SIDT1: variants seen among roughly 807,000 people sequenced by gnomAD.
The protein encoded by SIDT1 is SID1 transmembrane family, member 1.
In SIDT1, 101 loss-of-function variants were observed where a neutral mutation model predicts 107.5. The ratio of observed to expected loss-of-function variants is 0.94; its 90% CI spans 0.80 to 1.11. The LOEUF is 1.11. Ranked by LOEUF, SIDT1 falls within the 50% of genes least tolerant of loss-of-function variation. The pLI, the probability that SIDT1 is intolerant of heterozygous loss-of-function variation, is 0.00. For missense variants in SIDT1, 1,076 were observed against 1,058.2 expected, an observed-to-expected ratio of 1.02 and a Z score of -0.23; for synonymous variants, 395 against 398.2, an observed-to-expected ratio of 0.99 and a Z score of 0.10.
intron 1 of SIDT1, among the ~76,000 whole-genome samples, chr3:113,549,866 A>G (rs1940020909): frequency 6.6e-6 from 1 of 152,146 alleles, no homozygotes; most frequent in Non-Finnish European, 1.5e-5. Context: ...GAAGTTTTGT[A>G]GTTTTCCATT....
At chr3:113,556,897 G>A (rs958002662) in intron 1 of SIDT1, among the ~76,000 whole-genome samples, 8 of 135,052 alleles carry the variant, frequency 5.9e-5, no homozygotes, top group African/African-American at 1.1e-4. Context: ...TCGCCTCACC[G>A]CAATCTCCAC....
At chr3:113,604,811 T>C in intron 13 of SIDT1, 99 bp from the exon 14 acceptor site, 1 of 1,389,426 alleles carries the variant, frequency 7.2e-7, no homozygotes, top group Non-Finnish European at 1.0e-6. Context: ...GCAAGTTAAT[T>C]ATGGACTTAT....
Position 113,607,074 on chromosome 3 carries a change from T to C in SIDT1, c.1438T>C (p.Tyr480His). Residue 480 changes from tyrosine (Y) to histidine (H), a missense_variant, in exon 15 of 25, where the codon TAC (tyrosine) becomes CAC (histidine). Coordinates refer to ENST00000264852, the MANE Select transcript of SIDT1 (RefSeq NM_017699.3). ...VNVTGNQDIC[Y>H]YNFLCAHPLG... ...TGTCACTGGCAACCAGGACATCTGT[T>C]ACTACAACTTCCTCTGTGCTCACCC... 6.2e-7 allele frequency: 1 copy of C among 1,613,386 alleles called. No homozygotes were observed. The highest frequency in any genetic ancestry group is 8.5e-7 in the Non-Finnish European group (1 of 1,179,338).
At chr3:113,542,932 GTGTGTGTT>G (rs1939100895) in intron 1 of SIDT1, among the ~76,000 whole-genome samples, 2 of 142,360 alleles carry the variant, frequency 1.4e-5, no homozygotes, top group South Asian at 2.1e-4. Context: ...GTGTGTGTGT[GTGTGTGTT>G]TGTTTGTTTG....
At chr3:113,563,483 A>G (rs1359752008) in intron 1 of SIDT1, among the ~76,000 whole-genome samples, 1 of 152,240 alleles carries the variant, frequency 6.6e-6, no homozygotes. Flanking sequence ...ACTTGAATCT[A>G]ATGAAGCCTC....
chr3:113,583,556 G>C, intron 7 of SIDT1, 60 bp downstream of exon 7: 3 of 1,317,162 alleles, frequency 2.3e-6, no homozygotes, highest in Non-Finnish European at 3.2e-6. Flanking sequence ...GGAGTGAAAG[G>C]GAAGCTGAAA....
intron 1 of SIDT1, among the ~76,000 whole-genome samples, chr3:113,542,923 TG>T (rs1430665100): frequency 3.3e-5 from 5 of 151,276 alleles, no homozygotes; most frequent in African/African-American, 1.2e-4. Flanking sequence ...TGTGTGTGTG[TG>T]TGTGTGTGTG....
chr3:113,603,832 A>G, intron 12 of SIDT1, 128 bp from the exon 13 acceptor site: 1 of 630,990 alleles, frequency 1.6e-6, no homozygotes, highest in Non-Finnish European at 2.7e-6. Flanking sequence ...GTAAATTTGA[A>G]TAATTGTATC....
intron 1 of SIDT1, among the ~76,000 whole-genome samples, chr3:113,562,894 A>G (rs192872512): frequency 6.6e-6 from 1 of 152,346 alleles, no homozygotes; most frequent in Admixed American, 6.5e-5. Flanking sequence ...AGAAATGGCC[A>G]AGAAAAAGTA....
At chr3:113,596,489 C>T (rs575253137) in intron 10 of SIDT1, among the ~76,000 whole-genome samples, 63 of 152,256 alleles carry the variant, frequency 4.1e-4, no homozygotes, top group African/African-American at 1.3e-3. Context: ...ACCCTGGAGC[C>T]TGGGTGAGAT....
chr3:113,582,704 C>A (rs920425653), intron 6 of SIDT1, among the ~76,000 whole-genome samples: 4 of 152,164 alleles, frequency 2.6e-5, no homozygotes, highest in African/African-American at 9.7e-5. Flanking sequence ...CCACCACACT[C>A]CAGCCTGGGC....
Position 113,612,123 on chromosome 3 carries a change from T to C in SIDT1, c.1895T>C (p.Phe632Ser). ...AATGACGTATGGTTCTGGGTCATCT[T>C]CTCTGCAATCCACGTTCTGGCCTCG... ...GKNDVWFWVIFSAIHVLASLA... is the reference protein window; with the variant it reads ...GKNDVWFWVISSAIHVLASLA... The change falls in exon 19 of 25, where the codon TTC (phenylalanine) becomes TCC (serine). Residue 632 changes from phenylalanine (F) to serine (S), a missense_variant. Phe to Ser is a radical substitution (Grantham distance 155). Coordinates refer to ENST00000264852, the MANE Select transcript of SIDT1 (RefSeq NM_017699.3). The C allele has an allele frequency of 3.7e-6, 6 of 1,614,174 alleles. No individual in the cohort carries two copies. Among genetic ancestry groups the C allele is most frequent in the Non-Finnish European group, 5.1e-6 (6 of 1,180,022 alleles).
rs1317385773 is a variant in SIDT1, at chr3:113,608,655, A to C, written c.1720+119A>C. ...AAATGGCATTTTATGTGAGCTGAAG[A>C]GATCAGAGAGGACCTCCACACAGAG... On this transcript the variant is annotated intron_variant, in intron 17 of 24. Transcript: ENST00000264852. 4.1e-6 allele frequency: 3 copies of C among 737,938 alleles called. No individual in the cohort carries two copies. The African/African-American group carries it at 5.2e-5, about 13-fold the overall frequency. The allele number at this position is 737,938 out of a possible 1,614,324, so 45.7% of individuals were successfully genotyped here.
intron 12 of SIDT1, among the ~76,000 whole-genome samples, 186 bp from the exon 13 acceptor site, chr3:113,603,774 T>G (rs949458190): frequency 5.5e-4 from 83 of 152,110 alleles, no homozygotes; most frequent in African/African-American, 2.0e-3. Flanking sequence ...AAAAGAAAAG[T>G]CTTAAATAAT....
At chr3:113,538,738 T>C (rs1336298488) in intron 1 of SIDT1, among the ~76,000 whole-genome samples, 2 of 152,156 alleles carry the variant, frequency 1.3e-5, no homozygotes, top group Non-Finnish European at 2.9e-5. Flanking sequence ...CTCCTCCACA[T>C]AGCTTTGTTG....
chr3:113,627,231 T>G (rs1946919523), intron 24 of SIDT1, among the ~76,000 whole-genome samples: 2 of 152,196 alleles, frequency 1.3e-5, no homozygotes, highest in Non-Finnish European at 2.9e-5. Flanking sequence ...ATCAAAATTT[T>G]TTACCTCCCC....
At chr3:113,544,010 G>A (rs2107613387) in intron 1 of SIDT1, among the ~76,000 whole-genome samples, 1 of 152,202 alleles carries the variant, frequency 6.6e-6, no homozygotes, top group South Asian at 2.1e-4. Flanking sequence ...TGTATAAACT[G>A]CTACTATTTT....
At chr3:113,574,304 G>A (rs1361296717) in intron 3 of SIDT1, among the ~76,000 whole-genome samples, 1 of 152,180 alleles carries the variant, frequency 6.6e-6, no homozygotes, top group Non-Finnish European at 1.5e-5. Context: ...GAAGGTCGGT[G>A]GGAAAGCTAC....
chr3:113,580,769 T>C, intron 5 of SIDT1, 60 bp downstream of exon 5: 1 of 1,099,302 alleles, frequency 9.1e-7, no homozygotes, highest in Non-Finnish European at 1.4e-6. Context: ...CCAGAACAAA[T>C]GAAAGAGAAG....
Sources: gnomAD v4.1 joint callset for allele counts (sites outside exome capture counted in the v4.1 genomes callset) on GRCh38, gnomAD v4.1.1 for gene constraint, MANE v1.5 for transcripts, NCBI Gene and HGNC (gene_info 2026-07-23, HGNC 2026-07-21) for gene names.